The following CHRM3 variants were observed in gnomAD, a reference collection of about 807,000 sequenced individuals.
CHRM3 encodes the protein muscarinic acetylcholine receptor M3.
A neutral mutation model predicts 41.8 loss-of-function variants in CHRM3; 11 were observed. That is an observed-to-expected ratio of 0.26 (90% CI 0.17 to 0.44). CHRM3 has a LOEUF of 0.44. Among genes scored for constraint, CHRM3 ranks in the 20% least tolerant of loss-of-function variants. The probability of loss-of-function intolerance (pLI) is 1.00; values close to 1 mark genes in which losing one functional copy is unlikely to be tolerated. For synonymous variants in CHRM3, 297 were observed against 301.4 expected (o/e 0.99, Z 0.15); for missense variants, 571 against 745.4 (o/e 0.77, Z 2.72).
At chr1:239,729,503 A>G (rs1001883746) in intron 5 of CHRM3, among the ~76,000 whole-genome samples, 4 of 151,982 alleles carry the variant, frequency 2.6e-5, no homozygotes, top group Non-Finnish European at 5.9e-5. Context: ...TGTCACTACA[A>G]GGAAAACAGT....
intron 5 of CHRM3, among the ~76,000 whole-genome samples, chr1:239,760,201 A>C (rs1243037836): frequency 6.6e-6 from 1 of 151,912 alleles, no homozygotes; most frequent in Non-Finnish European, 1.5e-5. Context: ...CTAGGATTAC[A>C]GGCGTGAGCC....
At chr1:239,595,073 G>C (rs1466063737) in intron 3 of CHRM3, among the ~76,000 whole-genome samples, 1 of 152,204 alleles carries the variant, frequency 6.6e-6, no homozygotes, top group Non-Finnish European at 1.5e-5. Context: ...TGGGCAACAA[G>C]AGTGAAACTC....
intron 3 of CHRM3, among the ~76,000 whole-genome samples, chr1:239,558,617 C>T (rs746871010): frequency 6.6e-6 from 1 of 152,312 alleles, no homozygotes; most frequent in African/African-American, 2.4e-5. Flanking sequence ...ATGCCAACAA[C>T]TGACAGCCGG....
intron 6 of CHRM3, among the ~76,000 whole-genome samples, chr1:239,838,417 C>T (rs912851116): frequency 1.3e-5 from 2 of 152,120 alleles, no homozygotes; most frequent in African/African-American, 4.8e-5. Flanking sequence ...TTTTGGACAA[C>T]TCTACAATAT....
At chr1:239,773,424 A>G (rs1225338875) in intron 5 of CHRM3, among the ~76,000 whole-genome samples, 2 of 152,194 alleles carry the variant, frequency 1.3e-5, no homozygotes, top group African/African-American at 2.4e-5. Flanking sequence ...AGTTGCTGCT[A>G]TTGAATTAAC....
At chr1:239,832,607 G>A (rs916576796) in intron 6 of CHRM3, among the ~76,000 whole-genome samples, 3 of 151,976 alleles carry the variant, frequency 2.0e-5, no homozygotes, top group African/African-American at 4.8e-5. Context: ...AGTAAATTTA[G>A]TAAGAAAGTA....
At chr1:239,561,634 C>G (rs1248337838) in intron 3 of CHRM3, among the ~76,000 whole-genome samples, 1 of 151,512 alleles carries the variant, frequency 6.6e-6, no homozygotes, top group Non-Finnish European at 1.5e-5. Context: ...TAGATACTAT[C>G]AATATCTATA....
chr1:239,424,244 T>A (rs1319818422), intron 1 of CHRM3, among the ~76,000 whole-genome samples: 1 of 152,134 alleles, frequency 6.6e-6, no homozygotes, highest in African/African-American at 2.4e-5. Context: ...AGAACAGGCA[T>A]TCCTCAGGGA....
chr1:239,608,764 T>A (rs1173609005), intron 3 of CHRM3, among the ~76,000 whole-genome samples: 1 of 152,220 alleles, frequency 6.6e-6, no homozygotes, highest in African/African-American at 2.4e-5. Flanking sequence ...ACAACAGTTT[T>A]AAATGTAAAA....
At chr1:239,766,461 AACAAACCCCC>A (rs1209128740) in intron 5 of CHRM3, among the ~76,000 whole-genome samples, 4 of 133,014 alleles carry the variant, frequency 3.0e-5, no homozygotes, top group Non-Finnish European at 4.4e-5. Context: ...TAATCTATAC[AACAAACCCCC>A]ATGACACAAG....
At chr1:239,583,151 G>A (rs1663061923) in intron 3 of CHRM3, among the ~76,000 whole-genome samples, 1 of 152,200 alleles carries the variant, frequency 6.6e-6, no homozygotes, top group Non-Finnish European at 1.5e-5. Flanking sequence ...CCTTGAAAGA[G>A]CGAAATTCTG....
At chr1:239,617,494 G>A (rs994325133) in intron 3 of CHRM3, among the ~76,000 whole-genome samples, 4 of 152,130 alleles carry the variant, frequency 2.6e-5, no homozygotes, top group Admixed American at 1.3e-4. Flanking sequence ...AGAGGCAGAG[G>A]GAGGAGAATT....
At chr1:239,790,473 G>C (rs558440109) in intron 5 of CHRM3, among the ~76,000 whole-genome samples, 1 of 152,278 alleles carries the variant, frequency 6.6e-6, no homozygotes, top group Admixed American at 6.5e-5. Context: ...GAGTTCCCCT[G>C]CACAAGCTCT....
rs1296022291 is a variant in CHRM3, at chr1:239,586,120, G to A, written c.-313+40371G>A. On this transcript the variant is annotated intron_variant, in intron 3 of 6. Transcript: ENST00000676153. ...CCTGCCCTCCCGTGGGAGGCAGACA[G>A]GCCCAGTAACCTCTGACATCTGTGA... 3.9e-5 allele frequency among the ~76,000 whole-genome samples: 6 copies of A among 152,140 alleles called. No homozygotes were observed. The East Asian group carries it at 9.6e-4, about 24-fold the overall frequency.
At chr1:239,537,017 T>C (rs935407962) in intron 2 of CHRM3, among the ~76,000 whole-genome samples, 1 of 152,192 alleles carries the variant, frequency 6.6e-6, no homozygotes, top group Non-Finnish European at 1.5e-5. Flanking sequence ...TGTCACTTTT[T>C]TGGTCTCTAT....
At chr1:239,643,073 A>G (rs557452319) in intron 4 of CHRM3, among the ~76,000 whole-genome samples, 31 of 152,178 alleles carry the variant, frequency 2.0e-4, no homozygotes, top group Non-Finnish European at 3.8e-4. Flanking sequence ...GTGTCTGCAG[A>G]ACAGTGGATG....
chr1:239,514,277 T>C lies in CHRM3; in HGVS notation c.-422+21470T>C, dbSNP rs571427498. On this transcript the variant is annotated intron_variant, in intron 2 of 6. Transcript: ENST00000676153. ...TTCCTATCTAGGACCATGGAATGTCTCTCCATTTATAGTTCTTTGATTTCT... is the reference window on the plus strand; with the variant it reads ...TTCCTATCTAGGACCATGGAATGTCCCTCCATTTATAGTTCTTTGATTTCT... Among the ~76,000 whole-genome samples the C allele has an allele frequency of 1.7e-4, 26 of 152,180 alleles. No homozygotes were observed. In the South Asian group the frequency reaches 5.2e-3, roughly 30 times the overall value.
chr1:239,658,206 C>T (rs573821085), intron 4 of CHRM3, among the ~76,000 whole-genome samples: 6 of 152,196 alleles, frequency 3.9e-5, no homozygotes, highest in African/African-American at 9.6e-5. Flanking sequence ...AACAATAAAG[C>T]GAGTTTACTA....
At chr1:239,648,863 A>G (rs992492001) in intron 4 of CHRM3, among the ~76,000 whole-genome samples, 3 of 152,204 alleles carry the variant, frequency 2.0e-5, no homozygotes, top group African/African-American at 7.2e-5. Context: ...AAGAATGGAC[A>G]TGACTGACAC....
Sources: allele counts gnomAD v4.1 joint callset (sites outside exome capture counted in the v4.1 genomes callset), GRCh38; gene constraint gnomAD v4.1.1; transcripts MANE v1.5; gene names NCBI Gene and HGNC (gene_info 2026-07-23, HGNC 2026-07-21).